ARHGAP32: variants seen among roughly 807,000 people sequenced by gnomAD.
ARHGAP32 encodes the protein rho GTPase-activating protein 32.
In ARHGAP32, 51 loss-of-function variants were observed where a neutral mutation model predicts 186.5. The ratio of observed to expected loss-of-function variants is 0.27; its 90% CI spans 0.22 to 0.35. The LOEUF is 0.35. Ranked by LOEUF, ARHGAP32 falls within the 10% of genes least tolerant of loss-of-function variation. The probability of loss-of-function intolerance (pLI) is 1.00; values close to 1 mark genes in which losing one functional copy is unlikely to be tolerated. For missense variants in ARHGAP32, 2,186 were observed against 2,623.5 expected, an observed-to-expected ratio of 0.83 and a Z score of 3.64; for synonymous variants, 950 against 964.3, an observed-to-expected ratio of 0.99 and a Z score of 0.27.
At chr11:129,041,419 G>T (rs1939587419) in intron 10 of ARHGAP32, among the ~76,000 whole-genome samples, 1 of 151,162 alleles carries the variant, frequency 6.6e-6, no homozygotes, top group African/African-American at 2.4e-5. Context: ...CTTCTCTATG[G>T]GTTTTTTAAA....
chr11:129,004,091 C>T (rs1261727172), intron 11 of ARHGAP32, among the ~76,000 whole-genome samples: 1 of 151,774 alleles, frequency 6.6e-6, no homozygotes, highest in South Asian at 2.1e-4. Context: ...GAAATTTTTT[C>T]AATTTCCTTC....
intron 6 of ARHGAP32, among the ~76,000 whole-genome samples, chr11:129,084,186 G>A (rs1353378987): frequency 6.6e-6 from 1 of 151,996 alleles, no homozygotes; most frequent in African/African-American, 2.4e-5. Flanking sequence ...AGTAAGCCCA[G>A]ATGTATTCAC....
rs777843894 is a variant in ARHGAP32, at chr11:128,998,144, T to TA, written c.1195+174dup. ...CATCTCTAATGCCAAAGTGCATTCT[T>TA]AGACTTTTCATTCTCAGCTCCATCC... On this transcript the variant is annotated intron_variant, in intron 12 of 22. Transcript: ENST00000682385. 1.2e-3 allele frequency among the ~76,000 whole-genome samples: 184 copies of TA among 152,322 alleles called. 2 individuals carry two copies. Among genetic ancestry groups the TA allele is most frequent in the Middle Eastern group, 3.4e-3 (1 of 294 alleles).
chr11:129,144,402 C>T (rs1591648801), intron 2 of ARHGAP32, among the ~76,000 whole-genome samples: 1 of 116,770 alleles, frequency 8.6e-6, no homozygotes, highest in Non-Finnish European at 2.1e-5. Context: ...TTATGCACCT[C>T]CATCAGACTT....
intron 2 of ARHGAP32, among the ~76,000 whole-genome samples, chr11:129,128,782 G>A (rs1469223002): frequency 6.6e-6 from 1 of 152,154 alleles, no homozygotes; most frequent in East Asian, 1.9e-4. Context: ...ACGGGGTTTC[G>A]CCGTGTTGGC....
At chr11:129,086,372 A>G (rs1307870043) in intron 6 of ARHGAP32, among the ~76,000 whole-genome samples, 3 of 152,252 alleles carry the variant, frequency 2.0e-5, no homozygotes, top group African/African-American at 7.2e-5. Flanking sequence ...GACCTTAGTT[A>G]CAGCGATGAT....
chr11:129,156,184 T>C (rs1943401547), intron 2 of ARHGAP32, among the ~76,000 whole-genome samples: 1 of 152,182 alleles, frequency 6.6e-6, no homozygotes, highest in African/African-American at 2.4e-5. Flanking sequence ...GACACCGAGC[T>C]AGCTGCAGGA....
chr11:129,165,430 A>G (rs910127205), intron 1 of ARHGAP32, among the ~76,000 whole-genome samples: 1 of 151,844 alleles, frequency 6.6e-6, no homozygotes, highest in Admixed American at 6.6e-5. Flanking sequence ...CAAAATAGCA[A>G]TAGAAAAATT....
At chr11:129,166,640 T>C (rs1022411601) in intron 1 of ARHGAP32, among the ~76,000 whole-genome samples, 1 of 151,916 alleles carries the variant, frequency 6.6e-6, no homozygotes, top group Non-Finnish European at 1.5e-5. Context: ...ACCTAGAATC[T>C]TCTGCCTCAC....
rs544362378 is a variant in ARHGAP32 at position 129,066,938 on chromosome 11, C to T, written c.532-70G>A. 74 of 1,254,746 alleles carry T rather than the reference C, an allele frequency of 5.9e-5. No individual in the cohort carries two copies. The East Asian group carries it at 1.8e-3, about 30-fold the overall frequency. The allele number at this position is 1,254,746 out of a possible 1,614,324, so 77.7% of individuals were successfully genotyped here. ...AAATACTTATGAATCAGGCCATATTCTATAATGTGATTTTATTCATGAGAT... is the reference window on the plus strand; with the variant it reads ...AAATACTTATGAATCAGGCCATATTTTATAATGTGATTTTATTCATGAGAT... On this transcript the variant is annotated intron_variant, in intron 6 of 22. Coordinates refer to ENST00000682385, the MANE Select transcript of ARHGAP32 (RefSeq NM_001378024.1).
chr11:129,139,640 A>G (rs922515479), intron 2 of ARHGAP32, among the ~76,000 whole-genome samples: 2 of 152,044 alleles, frequency 1.3e-5, no homozygotes, highest in African/African-American at 4.8e-5. Flanking sequence ...ACAGTTTTAT[A>G]AAGAGTTCTC....
intron 2 of ARHGAP32, among the ~76,000 whole-genome samples, chr11:129,148,896 T>C (rs987283071): frequency 2.6e-5 from 4 of 152,086 alleles, no homozygotes; most frequent in African/African-American, 9.7e-5. Context: ...CATAACCCCA[T>C]TGGCCTGAGA....
At chr11:129,234,797 TTAGCAACAAAAACC>T (rs1310448455) in intron 1 of ARHGAP32, among the ~76,000 whole-genome samples, 1 of 152,130 alleles carries the variant, frequency 6.6e-6, no homozygotes, top group Non-Finnish European at 1.5e-5. Flanking sequence ...AACTAGGTTT[TTAGCAACAAAAACC>T]TAGCAACAGA....
intron 1 of ARHGAP32, among the ~76,000 whole-genome samples, chr11:129,251,004 TC>T (rs933901145): frequency 3.3e-5 from 5 of 152,214 alleles, no homozygotes; most frequent in Non-Finnish European, 7.3e-5. Context: ...CATGCTAAAA[TC>T]CAACCTCAAA....
At chr11:129,099,456 G>C (rs1941828413) in intron 5 of ARHGAP32, among the ~76,000 whole-genome samples, 1 of 152,158 alleles carries the variant, frequency 6.6e-6, no homozygotes, top group African/African-American at 2.4e-5. Context: ...GTATGTTTTA[G>C]AGATATTCAC....
intron 1 of ARHGAP32, among the ~76,000 whole-genome samples, chr11:129,207,631 A>G (rs1310871811): frequency 1.3e-5 from 2 of 151,896 alleles, no homozygotes; most frequent in Non-Finnish European, 2.9e-5. Context: ...TCTGGATGTT[A>G]GTAGCCCTTT....
At chr11:129,197,111 T>C (rs531658279), upstream of ARHGAP32, among the ~76,000 whole-genome samples, 1 of 152,238 alleles carries the variant, frequency 6.6e-6, no homozygotes, top group Non-Finnish European at 1.5e-5. Flanking sequence ...CCATATGAAA[T>C]GTTACTTCTG....
chr11:129,209,224 G>A (rs1944550450), intron 1 of ARHGAP32, among the ~76,000 whole-genome samples: 2 of 152,054 alleles, frequency 1.3e-5, no homozygotes, highest in South Asian at 4.1e-4. Context: ...ATCTTTGAAA[G>A]TGTCAAGCTG....
chr11:128,990,612 G>T (rs774406821), intron 12 of ARHGAP32, among the ~76,000 whole-genome samples: 1 of 152,222 alleles, frequency 6.6e-6, no homozygotes, highest in Non-Finnish European at 1.5e-5. Flanking sequence ...AGGTAGAATT[G>T]CTGGGTACTT....
Sources: allele counts gnomAD v4.1 joint callset (sites outside exome capture counted in the v4.1 genomes callset), GRCh38; gene constraint gnomAD v4.1.1; transcripts MANE v1.5; gene names NCBI Gene and HGNC (gene_info 2026-07-23, HGNC 2026-07-21).